Variants in SEC14L1 observed in about 807,000 individuals in gnomAD.
SEC14L1 encodes SEC14-like protein 1.
In SEC14L1, 48 loss-of-function variants were observed where a neutral mutation model predicts 85.3. That is an observed-to-expected ratio of 0.56 (90% CI 0.45 to 0.72). The LOEUF (loss-of-function observed/expected upper bound fraction) is 0.72. Among genes scored for constraint, SEC14L1 ranks in the 30% least tolerant of loss-of-function variants. The pLI is 0.00. For missense variants in SEC14L1, 682 were observed against 921.4 expected (o/e 0.74, Z 3.36); for synonymous variants, 391 against 355.5 (o/e 1.10, Z -1.12).
intron 3 of SEC14L1, among the ~76,000 whole-genome samples, chr17:77,125,330 G>GA (rs568207404): frequency 9.4e-5 from 14 of 148,552 alleles, no homozygotes; most frequent in South Asian, 4.3e-4. Context: ...AAAAGAAAAA[G>GA]AAAAAAAAAC....
intron 3 of SEC14L1, among the ~76,000 whole-genome samples, chr17:77,156,400 C>T (rs905552029): frequency 2.0e-5 from 3 of 152,040 alleles, no homozygotes; most frequent in African/African-American, 7.2e-5. Flanking sequence ...CATAGTGAAA[C>T]CCCATCTCTA....
intron 2 of SEC14L1, among the ~76,000 whole-genome samples, 191 bp downstream of exon 2, chr17:77,142,941 G>A (rs1973125643): frequency 6.6e-6 from 1 of 152,234 alleles, no homozygotes; most frequent in South Asian, 2.1e-4. Context: ...GCTATCTGAG[G>A]CTAGAGATTT....
chr17:77,139,286 C>T, upstream of SEC14L1, among the ~76,000 whole-genome samples: 1 of 151,664 alleles, frequency 6.6e-6, no homozygotes. Flanking sequence ...ATTCTCCTGC[C>T]TCAGCCTCCC....
chr17:77,121,626 G>A (rs902404251), intron 3 of SEC14L1, among the ~76,000 whole-genome samples: 1 of 152,170 alleles, frequency 6.6e-6, no homozygotes, highest in African/African-American at 2.4e-5. Flanking sequence ...CAAAGTGCTG[G>A]GATTACAGGC....
chr17:77,196,840 A>G (rs890838598), intron 8 of SEC14L1, among the ~76,000 whole-genome samples: 3 of 152,232 alleles, frequency 2.0e-5, no homozygotes, highest in African/African-American at 4.8e-5. Context: ...CTAGAAACCA[A>G]ATAACTGAGT....
chr17:77,209,848 C>CTTTT, intron 14 of SEC14L1: 1 of 157,736 alleles, frequency 6.3e-6, no homozygotes, highest in Non-Finnish European at 1.4e-5. Context: ...GCTACTTTTT[C>CTTTT]TTTTTTTTTT....
At chr17:77,196,381 T>C (rs1210869025) in intron 8 of SEC14L1, 70 bp downstream of exon 8, 4 of 933,038 alleles carry the variant, frequency 4.3e-6, no homozygotes, top group Non-Finnish European at 5.0e-6. Flanking sequence ...CTTTCTGTCA[T>C]AGTCACCAAG....
intron 3 of SEC14L1, among the ~76,000 whole-genome samples, chr17:77,160,677 A>G (rs1974016992): frequency 6.6e-6 from 1 of 152,142 alleles, no homozygotes; most frequent in African/African-American, 2.4e-5. Context: ...ATTTTTTTCT[A>G]ACTAGTGTCT....
intron 4 of SEC14L1, 82 bp downstream of exon 4, chr17:77,191,034 GGA>G (rs898435950): frequency 8.9e-6 from 14 of 1,568,794 alleles, no homozygotes; most frequent in Middle Eastern, 1.8e-4. Context: ...CGTCCTGGAG[GGA>G]GAGGGCATCC....
chr17:77,189,556 C>T (rs1975422778), intron 3 of SEC14L1, among the ~76,000 whole-genome samples: 1 of 152,118 alleles, frequency 6.6e-6, no homozygotes, highest in East Asian at 1.9e-4. Context: ...GGCACTAGTC[C>T]TTTGTCAGAT....
At chr17:77,200,209 A>C (rs950873523) in intron 8 of SEC14L1, among the ~76,000 whole-genome samples, 1 of 151,972 alleles carries the variant, frequency 6.6e-6, no homozygotes, top group Non-Finnish European at 1.5e-5. Context: ...TCCCTTAGCA[A>C]CTTTTTTTTT....
At chr17:77,186,177 G>A (rs1295475653) in intron 3 of SEC14L1, among the ~76,000 whole-genome samples, 1 of 152,096 alleles carries the variant, frequency 6.6e-6, no homozygotes, top group Non-Finnish European at 1.5e-5. Flanking sequence ...GGAAGGCCAG[G>A]GCCTTCTGTC....
In SEC14L1 at chr17:77,217,015, A is replaced by G. The variant is rs1175422328; in HGVS notation, c.*2992A>G. 3 of 163,152 alleles carry G rather than the reference A, an allele frequency of 1.8e-5. No homozygotes were observed. The allele number at this position is 163,152 out of a possible 1,614,324, so 10.1% of individuals were successfully genotyped here. A position where few individuals can be genotyped will look rare whatever the true frequency, so the allele number is the denominator to read the frequency against. On this transcript the variant is annotated 3_prime_UTR_variant, in exon 17 of 17. Coordinates refer to ENST00000436233, the MANE Select transcript of SEC14L1 (RefSeq NM_001143998.2). ...AATTCTGTAAATGTTTTGTAAACATATTACCTCACTTGGTAATACAATACT... is the reference window on the plus strand; with the variant it reads ...AATTCTGTAAATGTTTTGTAAACATGTTACCTCACTTGGTAATACAATACT...
intron 2 of SEC14L1, among the ~76,000 whole-genome samples, chr17:77,090,291 C>CAA (rs541086562): frequency 8.9e-6 from 1 of 112,224 alleles, no homozygotes. Flanking sequence ...GACTCCATCT[C>CAA]AAAAAAAAAA....
chr17:77,143,934 ACTT>A, intron 3 of SEC14L1: 1 of 317,438 alleles, frequency 3.2e-6, no homozygotes, highest in Non-Finnish European at 5.8e-6. Flanking sequence ...GATTCTAAGC[ACTT>A]CTTCCTCGGG....
intron 5 of SEC14L1, among the ~76,000 whole-genome samples, chr17:77,192,743 C>T (rs956120105): frequency 6.6e-6 from 1 of 152,058 alleles, no homozygotes; most frequent in African/African-American, 2.4e-5. Flanking sequence ...TCACTGCAGC[C>T]TCCACCTCCC....
At chr17:77,090,299 A>T (rs1315152129) in intron 2 of SEC14L1, among the ~76,000 whole-genome samples, 1 of 151,856 alleles carries the variant, frequency 6.6e-6, no homozygotes, top group Admixed American at 6.6e-5. Context: ...CTCAAAAAAA[A>T]AAAAAAGGGC....
chr17:77,169,234 A>G (rs573153054), intron 3 of SEC14L1, among the ~76,000 whole-genome samples: 23 of 152,188 alleles, frequency 1.5e-4, no homozygotes, highest in African/African-American at 5.5e-4. Flanking sequence ...ACACCCTGTT[A>G]GGTCTCCGAG....
At chr17:77,092,769 A>G (rs1598208095) in intron 2 of SEC14L1, among the ~76,000 whole-genome samples, 2 of 151,846 alleles carry the variant, frequency 1.3e-5, no homozygotes, top group African/African-American at 4.8e-5. Context: ...ACCAACATGG[A>G]GAAACCCCGT....
Sources: gnomAD v4.1 joint callset for allele counts (sites outside exome capture counted in the v4.1 genomes callset) on GRCh38, gnomAD v4.1.1 for gene constraint, MANE v1.5 for transcripts, NCBI Gene and HGNC (gene_info 2026-07-23, HGNC 2026-07-21) for gene names.